The following BTAF1 variants were observed in gnomAD, a reference collection of about 807,000 sequenced individuals.
The protein encoded by BTAF1 is TATA-binding protein-associated factor 172.
BTAF1 carries 38 observed loss-of-function variants against 227.1 expected under a neutral mutation model. The observed-to-expected ratio is 0.17, with a 90% CI of 0.13 to 0.22. The LOEUF (loss-of-function observed/expected upper bound fraction) is 0.22. BTAF1 is among the 10% of genes least tolerant of loss of function. The pLI is 1.00. For synonymous variants in BTAF1, 742 were observed against 751.9 expected, an observed-to-expected ratio of 0.99 and a Z score of 0.21; for missense variants, 1,598 against 2,204.0, an observed-to-expected ratio of 0.73 and a Z score of 5.51.
intron 36 of BTAF1, 111 bp downstream of exon 36, chr10:92,026,862 T>C: frequency 2.5e-6 from 3 of 1,221,820 alleles, no homozygotes; most frequent in Non-Finnish European, 3.4e-6. Context: ...ATACATGTGT[T>C]ATGACCTTGG....
intron 24 of BTAF1, chr10:91,997,047 A>C: frequency 2.6e-6 from 3 of 1,164,298 alleles, no homozygotes; most frequent in Non-Finnish European, 3.4e-6. Flanking sequence ...GTATGGCAGC[A>C]GCTAACATTC....
chr10:91,952,796 G>T (rs538697602), intron 5 of BTAF1, among the ~76,000 whole-genome samples: 25 of 152,066 alleles, frequency 1.6e-4, no homozygotes, highest in Non-Finnish European at 2.8e-4. Context: ...AGGAAATGGG[G>T]TAGAAAGGAA....
intron 1 of BTAF1, among the ~76,000 whole-genome samples, chr10:91,925,802 G>A (rs1368076167): frequency 6.6e-6 from 1 of 152,176 alleles, no homozygotes; most frequent in African/African-American, 2.4e-5. Context: ...GAGCCACCGC[G>A]CCCAGCCAAC....
At chr10:91,956,689 A>C in intron 7 of BTAF1, 32 bp downstream of exon 7, 2 of 1,597,428 alleles carry the variant, frequency 1.3e-6, no homozygotes, top group African/African-American at 1.3e-5. Flanking sequence ...GTATCCATTA[A>C]AATTGCTTAT....
chr10:91,956,876 G>C (rs527521195), intron 7 of BTAF1, among the ~76,000 whole-genome samples: 2 of 152,068 alleles, frequency 1.3e-5, no homozygotes, highest in South Asian at 4.2e-4. Flanking sequence ...TGTAATCCCA[G>C]CTACTTGGGA....
chr10:91,961,552 T>C (rs1846516185), intron 11 of BTAF1, among the ~76,000 whole-genome samples: 1 of 152,042 alleles, frequency 6.6e-6, no homozygotes, highest in Admixed American at 6.6e-5. Context: ...TCTGCTCCCT[T>C]CCTTGCTTTT....
intron 3 of BTAF1, among the ~76,000 whole-genome samples, chr10:91,941,430 C>G (rs1022702338): frequency 6.6e-6 from 1 of 152,154 alleles, no homozygotes; most frequent in Non-Finnish European, 1.5e-5. Flanking sequence ...GCCAGCTAAA[C>G]AAACTATTAA....
At chr10:91,957,080 A>G (rs963508200) in intron 7 of BTAF1, 145 bp from the exon 8 acceptor site, 8 of 525,928 alleles carry the variant, frequency 1.5e-5, no homozygotes, top group East Asian at 3.1e-5. Context: ...ATCAGTAAAA[A>G]TATATCTTAA....
chr10:92,026,865 G>T, intron 36 of BTAF1, 114 bp downstream of exon 36: 1 of 1,166,880 alleles, frequency 8.6e-7, no homozygotes, highest in Non-Finnish European at 1.2e-6. Flanking sequence ...CATGTGTTAT[G>T]ACCTTGGACA....
chr10:91,985,185 G>A (rs540108246), intron 19 of BTAF1, among the ~76,000 whole-genome samples: 172 of 151,794 alleles, frequency 1.1e-3, no homozygotes, highest in African/African-American at 3.8e-3. Context: ...ATTCCCCCCC[G>A]AAGATACATT....
intron 4 of BTAF1, among the ~76,000 whole-genome samples, chr10:91,944,045 G>A (rs1845196638): frequency 6.6e-6 from 1 of 152,030 alleles, no homozygotes; most frequent in Non-Finnish European, 1.5e-5. Flanking sequence ...CAGCTACTCT[G>A]GAGGCTGAGA....
intron 1 of BTAF1, among the ~76,000 whole-genome samples, chr10:91,928,911 A>G (rs558213414): frequency 6.6e-6 from 1 of 152,102 alleles, no homozygotes; most frequent in African/African-American, 2.4e-5. Context: ...CACGGCCTCA[A>G]GTGATCCTCC....
At chr10:92,025,810 CAAAAA>C (rs71025383) in intron 35 of BTAF1, among the ~76,000 whole-genome samples, 2 of 86,898 alleles carry the variant, frequency 2.3e-5, no homozygotes, top group African/African-American at 9.3e-5. Context: ...GACTCTGTCT[CAAAAA>C]AAAAAAAAAA....
intron 4 of BTAF1, 65 bp downstream of exon 4, chr10:91,942,633 A>G: frequency 2.6e-6 from 4 of 1,537,142 alleles, no homozygotes; most frequent in Non-Finnish European, 3.6e-6. Context: ...TCACTGTGGT[A>G]TGCTGTTCAT....
chr10:91,991,815 A>G (rs1848804090), intron 20 of BTAF1, among the ~76,000 whole-genome samples: 2 of 62,378 alleles, frequency 3.2e-5, no homozygotes, highest in African/African-American at 3.3e-4. Context: ...ATATATATAT[A>G]TATATATATA....
intron 1 of BTAF1, among the ~76,000 whole-genome samples, chr10:91,931,159 C>T (rs142706392): frequency 1.9e-3 from 292 of 152,250 alleles, no homozygotes; most frequent in African/African-American, 6.7e-3. Flanking sequence ...GGTTAGATTG[C>T]AACTGCTAGC....
At chr10:91,954,519 G>A (rs1564669753) in intron 6 of BTAF1, among the ~76,000 whole-genome samples, 1 of 151,260 alleles carries the variant, frequency 6.6e-6, no homozygotes, top group Non-Finnish European at 1.5e-5. Flanking sequence ...TTTCCTTCAG[G>A]TGCTCTTCGA....
At chr10:91,982,270 G>A in intron 17 of BTAF1, 45 bp downstream of exon 17, 2 of 1,611,928 alleles carry the variant, frequency 1.2e-6, no homozygotes, top group Non-Finnish European at 1.7e-6. Context: ...TTACAAGTCT[G>A]GCTTTCAAAG....
intron 20 of BTAF1, among the ~76,000 whole-genome samples, chr10:91,991,756 G>GA (rs1232493362): frequency 8.0e-5 from 11 of 136,800 alleles, no homozygotes; most frequent in East Asian, 2.1e-4. Flanking sequence ...CCCTGTCTCA[G>GA]AAAAAAAAAA....
Sources: gnomAD v4.1 joint callset for allele counts (sites outside exome capture counted in the v4.1 genomes callset) on GRCh38, gnomAD v4.1.1 for gene constraint, MANE v1.5 for transcripts, NCBI Gene and HGNC (gene_info 2026-07-23, HGNC 2026-07-21) for gene names.